Variants in RGS6 observed in about 807,000 individuals in gnomAD.
The protein encoded by RGS6 is regulator of G-protein signaling 6.
Under a neutral mutation model 78.5 loss-of-function variants are expected in RGS6, and 30 were observed. The observed-to-expected ratio is 0.38, with a 90% CI of 0.29 to 0.52. The LOEUF (loss-of-function observed/expected upper bound fraction) is 0.52, where lower values mean the gene tolerates loss of function less well. Among genes scored for constraint, RGS6 ranks in the 20% least tolerant of loss-of-function variants. The pLI is 0.85. For synonymous variants in RGS6, 206 were observed against 206.0 expected (o/e 1.00, Z 0.00); for missense variants, 495 against 609.7 (o/e 0.81, Z 1.98).
chr14:72,404,775 G>C (rs2092772077), intron 3 of RGS6, among the ~76,000 whole-genome samples: 1 of 152,180 alleles, frequency 6.6e-6, no homozygotes, highest in African/African-American at 2.4e-5. Context: ...GAATTCGAGT[G>C]CCTGAATTGA....
intron 2 of RGS6, among the ~76,000 whole-genome samples, chr14:72,222,545 G>C (rs571375798): frequency 3.3e-5 from 5 of 152,170 alleles, no homozygotes; most frequent in Non-Finnish European, 7.4e-5. Context: ...TCATCACTTC[G>C]ATTCCATTTA....
chr14:72,439,752 C>G (rs916406287), intron 3 of RGS6, among the ~76,000 whole-genome samples: 2 of 152,144 alleles, frequency 1.3e-5, no homozygotes, highest in Non-Finnish European at 2.9e-5. Context: ...ATGGGTGACA[C>G]CAACAGGAGA....
intron 2 of RGS6, among the ~76,000 whole-genome samples, chr14:72,120,320 C>A (rs986132064): frequency 6.6e-6 from 1 of 152,132 alleles, no homozygotes; most frequent in African/African-American, 2.4e-5. Context: ...TACACAAATG[C>A]CCCAGCTACA....
At chr14:72,030,972 T>C (rs865800735) in intron 2 of RGS6, among the ~76,000 whole-genome samples, 1 of 150,328 alleles carries the variant, frequency 6.7e-6, no homozygotes, top group Non-Finnish European at 1.5e-5. Context: ...ATAAGAACTT[T>C]AGCAACAATT....
intron 1 of RGS6, among the ~76,000 whole-genome samples, chr14:71,948,664 T>C (rs1382336060): frequency 4.6e-5 from 7 of 150,928 alleles, no homozygotes; most frequent in Admixed American, 2.6e-4. Flanking sequence ...AACCACCTCA[T>C]GGGCCCTCCC....
intron 2 of RGS6, among the ~76,000 whole-genome samples, chr14:72,021,412 C>CAAG (rs200912654): frequency 0.017 from 2,515 of 151,910 alleles, 29 homozygotes; most frequent in Middle Eastern, 0.041. Flanking sequence ...TGGATCCTCA[C>CAAG]AACTTGCTGA....
At chr14:71,988,307 C>A (rs111471083) in intron 2 of RGS6, among the ~76,000 whole-genome samples, 1 of 152,146 alleles carries the variant, frequency 6.6e-6, no homozygotes, top group Non-Finnish European at 1.5e-5. Context: ...ACAAAAGTCT[C>A]CTATGGCTGA....
intron 2 of RGS6, among the ~76,000 whole-genome samples, chr14:72,147,634 C>T (rs1454328595): frequency 6.6e-6 from 1 of 152,170 alleles, no homozygotes; most frequent in Non-Finnish European, 1.5e-5. Flanking sequence ...CAAATCGTAG[C>T]ACATGGGGTA....
intron 1 of RGS6, among the ~76,000 whole-genome samples, chr14:71,951,955 T>G (rs1401033867): frequency 1.2e-4 from 19 of 152,222 alleles, no homozygotes. Context: ...TTGTATTCAT[T>G]GACTTTGCTA....
At chr14:72,577,829 A>C in the RGS6 span, among the ~76,000 whole-genome samples, 1 of 152,228 alleles carries the variant, frequency 6.6e-6, no homozygotes, top group East Asian at 1.9e-4. Flanking sequence ...TGGTGCTCTA[A>C]CCTGAGCCAT....
chr14:72,190,991 A>G (rs1264399688), intron 2 of RGS6, among the ~76,000 whole-genome samples: 1 of 152,084 alleles, frequency 6.6e-6, no homozygotes, highest in African/African-American at 2.4e-5. Context: ...TCTTTTCTCA[A>G]TGGTTTGCTC....
chr14:71,919,366 A>G, the RGS6 span, among the ~76,000 whole-genome samples: 2 of 152,166 alleles, frequency 1.3e-5, no homozygotes, highest in East Asian at 3.8e-4. Context: ...TAGAGCACTG[A>G]TATTTAGCTC....
At chr14:72,053,334 G>A (rs975671842) in intron 2 of RGS6, among the ~76,000 whole-genome samples, 1 of 151,636 alleles carries the variant, frequency 6.6e-6, no homozygotes, top group African/African-American at 2.4e-5. Flanking sequence ...TGGCCAGGCT[G>A]GTCTCGATCT....
intron 2 of RGS6, among the ~76,000 whole-genome samples, chr14:72,144,768 G>T (rs961123170): frequency 6.7e-6 from 1 of 149,470 alleles, no homozygotes; most frequent in African/African-American, 2.5e-5. Flanking sequence ...TTTTTGAAGC[G>T]GTATAACCAC....
At chr14:72,606,476 A>G in the RGS6 span, among the ~76,000 whole-genome samples, 1 of 151,960 alleles carries the variant, frequency 6.6e-6, no homozygotes, top group Non-Finnish European at 1.5e-5. Context: ...TTAGACTCCC[A>G]CTACTGCCGG....
At chr14:72,375,907 G>A (rs2084592035) in intron 3 of RGS6, among the ~76,000 whole-genome samples, 1 of 152,102 alleles carries the variant, frequency 6.6e-6, no homozygotes, top group Non-Finnish European at 1.5e-5. Flanking sequence ...AATTGGAAGA[G>A]GTGACTGTTT....
At chr14:72,506,241 G>C (rs1187920858) in intron 13 of RGS6, among the ~76,000 whole-genome samples, 1 of 152,014 alleles carries the variant, frequency 6.6e-6, no homozygotes, top group African/African-American at 2.4e-5. Flanking sequence ...AAAAAAAATA[G>C]CTGGAAAGAC....
rs1378946566 is a variant in RGS6, at chr14:72,495,163, A to G, written c.866A>G (p.Tyr289Cys). 6.2e-7 allele frequency: 1 copy of G among 1,610,712 alleles called. No homozygotes were observed. The highest frequency in any genetic ancestry group is 8.5e-7 in the Non-Finnish European group (1 of 1,176,898). Residue 289 changes from tyrosine to cysteine, a missense_variant, in exon 13 of 18, where the codon TAC becomes TGC. Physicochemically the swap from Tyr to Cys is radical, Grantham distance 194. Transcript: ENST00000553525. The part of the protein sequence containing the change: ...MSKVAESLIA[Y>C]TEQYVEYDPL... ...CCTCCCTCCTGCAGTTTAATTGCCT[A>G]CACGGAACAATATGTGGAATATGAC...
chr14:71,889,498 G>A, the RGS6 span, among the ~76,000 whole-genome samples: 1 of 152,114 alleles, frequency 6.6e-6, no homozygotes, highest in South Asian at 2.1e-4. Flanking sequence ...ACTGGAGGGT[G>A]GAGAAGGGGA....
Sources: allele counts gnomAD v4.1 joint callset (sites outside exome capture counted in the v4.1 genomes callset), GRCh38; gene constraint gnomAD v4.1.1; transcripts MANE v1.5; gene names NCBI Gene and HGNC (gene_info 2026-07-23, HGNC 2026-07-21).